The following DNAH6 variants were observed in gnomAD, a reference collection of about 807,000 sequenced individuals.
DNAH6 encodes the protein axonemal beta dynein heavy chain 6.
A neutral mutation model predicts 491.4 loss-of-function variants in DNAH6; 340 were observed. That is an observed-to-expected ratio of 0.69 (90% CI 0.63 to 0.76). The LOEUF (loss-of-function observed/expected upper bound fraction) is 0.76. Among genes scored for constraint, DNAH6 ranks in the 30% least tolerant of loss-of-function variants. The pLI, the probability that DNAH6 is intolerant of heterozygous loss-of-function variation, is 0.00. For synonymous variants in DNAH6, 1,603 were observed against 1,686.1 expected (o/e 0.95, Z 1.21); for missense variants, 4,443 against 4,972.2 (o/e 0.89, Z 3.20).
chr2:84,778,208 C>T (rs1011223007), intron 64 of DNAH6: 2 of 672,148 alleles, frequency 3.0e-6, no homozygotes. Flanking sequence ...ATCAGCTGAT[C>T]CTTGAGAGTT....
chr2:84,689,954 C>T (rs1158173327), intron 45 of DNAH6, among the ~76,000 whole-genome samples: 2 of 152,208 alleles, frequency 1.3e-5, no homozygotes, highest in Non-Finnish European at 2.9e-5. Context: ...GCTTTATCTT[C>T]TCCAGGCAAA....
intron 63 of DNAH6, among the ~76,000 whole-genome samples, chr2:84,746,185 G>A (rs184830306): frequency 1.3e-5 from 2 of 152,308 alleles, no homozygotes; most frequent in East Asian, 3.9e-4. Flanking sequence ...AGAGATATAT[G>A]AATTAGAAAT....
intron 10 of DNAH6, among the ~76,000 whole-genome samples, chr2:84,553,962 G>A (rs1679773488): frequency 6.6e-6 from 1 of 152,080 alleles, no homozygotes; most frequent in Non-Finnish European, 1.5e-5. Context: ...CAAAGTCTTG[G>A]TCTCCCTCAG....
chr2:84,506,337 G>T, the DNAH6 span, among the ~76,000 whole-genome samples: 1 of 141,350 alleles, frequency 7.1e-6, no homozygotes, highest in African/African-American at 2.5e-5. Flanking sequence ...GCATTTTTTC[G>T]TGTGTTTTTT....
At chr2:84,631,132 T>C (rs1313649552) in intron 29 of DNAH6, among the ~76,000 whole-genome samples, 3 of 152,208 alleles carry the variant, frequency 2.0e-5, no homozygotes, top group Admixed American at 2.0e-4. Flanking sequence ...GACTATTTGC[T>C]TCTCCGGTTG....
chr2:84,504,961 TTAA>T, the DNAH6 span, among the ~76,000 whole-genome samples: 12 of 152,222 alleles, frequency 7.9e-5, no homozygotes, highest in Non-Finnish European at 1.6e-4. Context: ...TATTGCCATC[TTAA>T]TAATAGTAAG....
chr2:84,498,952 G>C, the DNAH6 span, among the ~76,000 whole-genome samples: 9 of 151,986 alleles, frequency 5.9e-5, no homozygotes, highest in Non-Finnish European at 1.2e-4. Flanking sequence ...TTATATTTAT[G>C]GGGTACATGA....
chr2:84,609,872 A>T (rs1686157873), intron 21 of DNAH6, among the ~76,000 whole-genome samples: 1 of 152,174 alleles, frequency 6.6e-6, no homozygotes, highest in Non-Finnish European at 1.5e-5. Context: ...AAAATGGAAT[A>T]AATGAAGCAC....
At chr2:84,750,040 A>C (rs1180380975) in intron 63 of DNAH6, among the ~76,000 whole-genome samples, 1 of 152,182 alleles carries the variant, frequency 6.6e-6, no homozygotes, top group Middle Eastern at 3.2e-3. Context: ...ACACAATAAC[A>C]TACCATTATT....
chr2:84,808,401 T>C lies in DNAH6; in HGVS notation c.11612-14T>C, dbSNP rs1374263044. ...AATGGTGACTGGCCTGAGGAATCGC[T>C]GTGTATGTTTCAGAAAAACTGGAAA... On this transcript the variant is annotated splice_polypyrimidine_tract_variant and intron_variant, in intron 71 of 76. Coordinates refer to ENST00000389394, the MANE Select transcript of DNAH6 (RefSeq NM_001370.2). 1 of 1,520,300 alleles carries C rather than the reference T, an allele frequency of 6.6e-7. No individual in the cohort carries two copies. Among genetic ancestry groups the C allele is most frequent in the Middle Eastern group, 1.7e-4 (1 of 5,820 alleles). The allele number at this position is 1,520,300 out of a possible 1,614,324, so 94.2% of individuals were successfully genotyped here.
chr2:84,657,708 T>C (rs1463580766), intron 35 of DNAH6, among the ~76,000 whole-genome samples: 1 of 152,020 alleles, frequency 6.6e-6, no homozygotes, highest in Non-Finnish European at 1.5e-5. Context: ...TTTTATTTGT[T>C]TTGTTTTGTC....
At chr2:84,759,811 A>G (rs910364825) in intron 63 of DNAH6, among the ~76,000 whole-genome samples, 1 of 152,180 alleles carries the variant, frequency 6.6e-6, no homozygotes, top group Non-Finnish European at 1.5e-5. Context: ...AGCCAATGCA[A>G]TCCTAAGAAA....
chr2:84,817,012 G>C (rs1680549476), intron 76 of DNAH6, among the ~76,000 whole-genome samples: 2 of 152,160 alleles, frequency 1.3e-5, no homozygotes. Context: ...GAATGGAGGA[G>C]AGAGAATGTT....
At chr2:84,796,928 T>C (rs1430273033) in intron 69 of DNAH6, among the ~76,000 whole-genome samples, 1 of 151,964 alleles carries the variant, frequency 6.6e-6, no homozygotes, top group African/African-American at 2.4e-5. Context: ...AAAAACCAGA[T>C]CTGTGAGTTG....
chr2:84,612,559 GA>G lies in DNAH6; in HGVS notation c.3475+709del, dbSNP rs556736702. On this transcript the variant is annotated intron_variant, in intron 22 of 76. Transcript: ENST00000389394. ...AAAACTCTGACATAAGACAGAAATG[GA>G]AAAGAAATGTTACATGGAATAATAG... Among the ~76,000 whole-genome samples the G allele has an allele frequency of 3.4e-3, 525 of 152,264 alleles. 1 individual carries two copies. Among genetic ancestry groups the G allele is most frequent in the African/African-American group, 0.011 (477 of 41,552 alleles).
intron 61 of DNAH6, among the ~76,000 whole-genome samples, chr2:84,729,621 A>C (rs1242676569): frequency 6.6e-6 from 1 of 152,230 alleles, no homozygotes; most frequent in Non-Finnish European, 1.5e-5. Flanking sequence ...TCTCATGAAC[A>C]GCATATCTTG....
chr2:84,803,536 T>C lies in DNAH6; in HGVS notation c.11482-2129T>C, dbSNP rs1031533942. Among the ~76,000 whole-genome samples the C allele has an allele frequency of 4.0e-5, 6 of 151,816 alleles. No homozygotes were observed. In the South Asian group the frequency reaches 1.2e-3, roughly 31 times the overall value. Reference sequence around the variant, plus strand: ...AAATTTAGCTTTCTATATTATAGAATTATCTTATAAATTAATAATAAATAA... The same window carrying C: ...AAATTTAGCTTTCTATATTATAGAACTATCTTATAAATTAATAATAAATAA... On this transcript the variant is annotated intron_variant, in intron 70 of 76. Transcript: ENST00000389394.
chr2:84,556,545 A>C (rs2104590378), intron 10 of DNAH6, among the ~76,000 whole-genome samples: 1 of 152,332 alleles, frequency 6.6e-6, no homozygotes, highest in East Asian at 1.9e-4. Flanking sequence ...CATTTTCTCT[A>C]ATTAGACTTT....
chr2:84,707,385 A>C (rs1456830409), intron 53 of DNAH6, 135 bp from the exon 54 acceptor site: 6 of 899,418 alleles, frequency 6.7e-6, no homozygotes, highest in South Asian at 2.1e-5. Context: ...GAATTGGTGT[A>C]AGGTTTCATA....
Sources: allele counts gnomAD v4.1 joint callset (sites outside exome capture counted in the v4.1 genomes callset), GRCh38; gene constraint gnomAD v4.1.1; transcripts MANE v1.5; gene names NCBI Gene and HGNC (gene_info 2026-07-23, HGNC 2026-07-21).